The following ATAD5 variants were observed in gnomAD, a reference collection of about 807,000 sequenced individuals.
ATAD5 encodes the protein ATPase family AAA domain-containing protein 5.
A neutral mutation model predicts 176.9 loss-of-function variants in ATAD5; 58 were observed. The ratio of observed to expected loss-of-function variants is 0.33; its 90% CI spans 0.27 to 0.41. The LOEUF (loss-of-function observed/expected upper bound fraction) is 0.41, where lower values mean the gene tolerates loss of function less well. Among genes scored for constraint, ATAD5 ranks in the 10% least tolerant of loss-of-function variants. ATAD5 has a pLI of 1.00. For missense variants in ATAD5, 1,789 were observed against 2,094.1 expected (o/e 0.85, Z 2.84); for synonymous variants, 640 against 712.6 (o/e 0.90, Z 1.62).
rs1424716767 is a variant in ATAD5, at chr17:30,893,885, A to T, written c.5032A>T (p.Ser1678Cys). 6.2e-7 allele frequency: 1 copy of T among 1,614,036 alleles called. No individual in the cohort carries two copies. The highest frequency in any genetic ancestry group is 1.3e-5 in the African/African-American group (1 of 75,072). ...AAACAAATACGGTAGAAATGACTTT[A>T]GTTGGACAAATGGAAAGGTTACAAG... ...EQNKYGRNDF[S>C]WTNGKVTSGL... is the part of the protein sequence containing the mutation. Residue 1678 changes from serine to cysteine, a missense_variant, in exon 21 of 23, where the codon AGT becomes TGT. Ser to Cys is a moderately radical substitution (Grantham distance 112, BLOSUM62 -1). This residue lies in a region of ATAD5 where 403 missense variants were observed against 495.1 expected (regional missense o/e 0.81). Transcript: ENST00000321990.
At chr17:30,847,716 CATTT>C (rs1567682183) in intron 6 of ATAD5, among the ~76,000 whole-genome samples, 1 of 139,314 alleles carries the variant, frequency 7.2e-6, no homozygotes, top group Admixed American at 7.3e-5. Flanking sequence ...CTGCTATGAA[CATTT>C]TTTTTTTTTT....
At chr17:30,864,699 G>A (rs2142384727) in intron 10 of ATAD5, 1 of 152,266 alleles carries the variant, frequency 6.6e-6, no homozygotes, top group Non-Finnish European at 1.5e-5. Flanking sequence ...ATGTCCATGT[G>A]TACCCAGTGT....
chr17:30,890,168 C>T (rs1001065242), intron 19 of ATAD5, among the ~76,000 whole-genome samples: 3 of 151,942 alleles, frequency 2.0e-5, no homozygotes, highest in Non-Finnish European at 4.4e-5. Context: ...GGATTATAGG[C>T]ATGAGCCACC....
chr17:30,837,744 C>G (rs1905840882), intron 3 of ATAD5, among the ~76,000 whole-genome samples: 1 of 152,142 alleles, frequency 6.6e-6, no homozygotes, highest in Non-Finnish European at 1.5e-5. Context: ...TTCTTGTTTT[C>G]TCACATGGTA....
At chr17:30,834,076 A>G in intron 1 of ATAD5, 72 bp from the exon 2 acceptor site, 1 of 1,250,048 alleles carries the variant, frequency 8.0e-7, no homozygotes, top group Non-Finnish European at 1.1e-6. Flanking sequence ...AAACTATTAG[A>G]TCCATGTTTA....
Position 30,857,016 on chromosome 17 carries a change from G to T in ATAD5, c.2697G>T (p.Leu899=). 1 of 1,608,794 alleles carries T rather than the reference G, an allele frequency of 6.2e-7. No individual in the cohort carries two copies. Among genetic ancestry groups the T allele is most frequent in the South Asian group, 1.1e-5 (1 of 89,620 alleles). ...SCPLLTKFKE[L]NTKVIDLSKC... is the part of the protein sequence containing the mutation. ...CTCTCTTAACTAAATTTAAAGAACT[G>T]AACACTAAAGTAATAGATCTCTCAA... is the stretch of plus-strand genomic sequence containing the variant. Residue 899 remains leucine (L), a synonymous_variant, in exon 8 of 23, where the codon CTG becomes CTT. Transcript: ENST00000321990.
rs753611774 is a variant in ATAD5 at position 30,834,186 on chromosome 17, C to G, written c.105C>G (p.Thr35=). Reference sequence around the variant, plus strand: ...GAAAGAAAGATGATGACACATCTACCTGCAAAACAATTACAAAATATTTAT... The same window carrying G: ...GAAAGAAAGATGATGACACATCTACGTGCAAAACAATTACAAAATATTTAT... ...KKRKKDDDTS[T]CKTITKYLSP... Residue 35 remains threonine (T), a synonymous_variant, in exon 2 of 23, where the codon ACC becomes ACG. Coordinates refer to ENST00000321990, the MANE Select transcript of ATAD5 (RefSeq NM_024857.5). 5.7e-6 allele frequency: 9 copies of G among 1,586,196 alleles called. No homozygotes were observed. In the Admixed American group the frequency reaches 1.7e-4, roughly 30 times the overall value.
rs1490651336 is a variant in ATAD5, at chr17:30,879,481, T to C, written c.4071T>C (p.Pro1357=). The change falls in exon 18 of 23, where the codon CCT becomes CCC. Residue 1357 remains proline (P), a synonymous_variant. Transcript: ENST00000321990. ...TTGAAGAAATCAAGTTCAGTACTCC[T>C]TCCCTGGTAAGTTTTAAATTTTGAT... is the stretch of plus-strand genomic sequence containing the variant. ...GCFEEIKFST[P]SLLNVASYLQ... is the part of the protein sequence containing the mutation. 1.9e-6 allele frequency: 3 copies of C among 1,589,622 alleles called. No individual in the cohort carries two copies. In the African/African-American group the frequency reaches 4.2e-5, roughly 22 times the overall value.
intron 6 of ATAD5, among the ~76,000 whole-genome samples, chr17:30,849,289 G>C (rs1335003874): frequency 6.6e-6 from 1 of 152,096 alleles, no homozygotes; most frequent in Non-Finnish European, 1.5e-5. Flanking sequence ...AAGAGATGGA[G>C]TCTTGCTGTG....
rs745649976 is a variant in ATAD5, at chr17:30,855,223, A to G, written c.2531A>G (p.Asp844Gly). 1 of 1,614,136 alleles carries G rather than the reference A, an allele frequency of 6.2e-7. No individual in the cohort carries two copies. The highest frequency in any genetic ancestry group is 8.5e-7 in the Non-Finnish European group (1 of 1,179,998). Residue 844 changes from aspartate to glycine, a missense_variant, in exon 7 of 23, where the codon GAT becomes GGT. Coordinates refer to ENST00000321990, the MANE Select transcript of ATAD5 (RefSeq NM_024857.5). ...KRDFLMSGLP[D>G]LLKRQIAKKA... The stretch of plus-strand genomic sequence containing the variant: ...GACTTCCTAATGAGTGGTTTGCCAG[A>G]TTTGTTGAAACGGCAAATTGCAAAG...
At chr17:30,861,598 G>A (rs1002564808) in intron 10 of ATAD5, among the ~76,000 whole-genome samples, 1 of 151,920 alleles carries the variant, frequency 6.6e-6, no homozygotes, top group African/African-American at 2.4e-5. Context: ...TGCAACCTCT[G>A]CCTCCCGGGT....
In ATAD5 at chr17:30,832,247, G is replaced by A. The variant is rs550696679; in HGVS notation, c.-101G>A. The A allele has an allele frequency of 8.1e-6, 9 of 1,116,824 alleles. No individual in the cohort carries two copies. In the East Asian group the frequency reaches 1.1e-4, roughly 14 times the overall value. The allele number at this position is 1,116,824 out of a possible 1,614,324, so 69.2% of individuals were successfully genotyped here. ...TCCGAAACGGCTCAGCAGAATCCCA[G>A]CAGCTTGCTGCTACTGGAGCGGGCC... On this transcript the variant is annotated 5_prime_UTR_variant, in exon 1 of 23. Coordinates refer to ENST00000321990, the MANE Select transcript of ATAD5 (RefSeq NM_024857.5).
chr17:30,864,625 A>G lies in ATAD5; in HGVS notation c.3137-1079A>G, dbSNP rs573417879. The stretch of plus-strand genomic sequence containing the variant: ...GTGATCTACCTGCCTTGGCCTTCCA[A>G]AGTGCTGGGATTATAAGTGTGAGCC... On this transcript the variant is annotated intron_variant, in intron 10 of 22. Coordinates refer to ENST00000321990, the MANE Select transcript of ATAD5 (RefSeq NM_024857.5). The G allele has an allele frequency of 5.3e-5, 8 of 152,316 alleles. No homozygotes were observed. The East Asian group carries it at 1.5e-3, about 29-fold the overall frequency. The allele number at this position is 152,316 out of a possible 1,614,324, so 9.4% of individuals were successfully genotyped here. A position where few individuals can be genotyped will look rare whatever the true frequency, so the allele number is the denominator to read the frequency against.
Position 30,860,569 on chromosome 17 carries a change from C to T in ATAD5, c.3093C>T (p.Ser1031=). ...EKTNRKSEEL[S]KRNNSSGIKL... The stretch of plus-strand genomic sequence containing the variant: ...CCAATAGGAAGTCAGAAGAACTTAG[C>T]AAAAGAAACAACTCTTCTGGGATAA... The change falls in exon 10 of 23, where the codon AGC becomes AGT. Residue 1031 remains serine, a synonymous_variant. Transcript: ENST00000321990. The T allele has an allele frequency of 6.3e-7, 1 of 1,583,500 alleles. No individual in the cohort carries two copies. The highest frequency in any genetic ancestry group is 1.2e-5 in the South Asian group (1 of 84,804).
rs930671976 is a variant in ATAD5 at position 30,880,442 on chromosome 17, C to G, written c.4077+955C>G. Among the ~76,000 whole-genome samples, 3 of 151,966 alleles carry G rather than the reference C, an allele frequency of 2.0e-5. No individual in the cohort carries two copies. The East Asian group carries it at 5.8e-4, about 29-fold the overall frequency. ...TGACCAACATGGTAAAACCCCATCT[C>G]TATTAAAAATACAAAATTAGCTGGG... On this transcript the variant is annotated intron_variant, in intron 18 of 22. Transcript: ENST00000321990.
In ATAD5 at chr17:30,895,029, A is replaced by G; in HGVS notation, c.*116A>G. ...TCTCGATGTACATTTTAAACAAACA[A>G]TTTGTATATTTTTTTATTGGCGGGT... On this transcript the variant is annotated 3_prime_UTR_variant, in exon 23 of 23. Transcript: ENST00000321990. 2 of 621,696 alleles carry G rather than the reference A, an allele frequency of 3.2e-6. No homozygotes were observed. The highest frequency in any genetic ancestry group is 1.2e-4 in the South Asian group (2 of 17,222). The allele number at this position is 621,696 out of a possible 1,614,324, so 38.5% of individuals were successfully genotyped here.
rs1225249420 is a variant in ATAD5, at chr17:30,835,783, C to A, written c.1702C>A (p.Pro568Thr). The change falls in exon 2 of 23, where the codon CCA becomes ACA. Residue 568 changes from proline (P) to threonine (T), a missense_variant. Pro to Thr is a conservative substitution (Grantham distance 38). This residue lies in a region of ATAD5 where 696 missense variants were observed against 712.5 expected (regional missense o/e 0.98). Transcript: ENST00000321990. ...TAAATTGTCAAGAAAAACCAGCATA[C>A]CAGTTAAAGATATTAAGCTTACACA... Reference protein sequence around the residue: ...NNKLSRKTSIPVKDIKLTQSK... With the variant: ...NNKLSRKTSITVKDIKLTQSK... The A allele has an allele frequency of 1.2e-6, 2 of 1,613,352 alleles. No homozygotes were observed. The highest frequency in any genetic ancestry group is 8.5e-7 in the Non-Finnish European group (1 of 1,179,840).
intron 14 of ATAD5, among the ~76,000 whole-genome samples, chr17:30,870,680 C>G (rs1481666069): frequency 6.6e-6 from 1 of 152,048 alleles, no homozygotes; most frequent in Non-Finnish European, 1.5e-5. Flanking sequence ...TTTATTAGTA[C>G]TTAGAGTGAT....
chr17:30,836,180 CTTT>C, intron 2 of ATAD5, 132 bp downstream of exon 2: 5 of 654,658 alleles, frequency 7.6e-6, no homozygotes, highest in Non-Finnish European at 8.8e-6. Context: ...AACAGGATTT[CTTT>C]TTTTTTTTTC....
Sources: gnomAD v4.1 joint callset for allele counts (sites outside exome capture counted in the v4.1 genomes callset) on GRCh38, gnomAD v4.1.1 for gene constraint, gnomAD v4.1.1 regional missense constraint, MANE v1.5 for transcripts, NCBI Gene and HGNC (gene_info 2026-07-23, HGNC 2026-07-21) for gene names.